ANXA10: variants seen among roughly 807,000 people sequenced by gnomAD.
ANXA10 encodes annexin A10, also known as annexin 14.
A neutral mutation model predicts 53.5 loss-of-function variants in ANXA10; 49 were observed. The ratio of observed to expected loss-of-function variants is 0.92; its 90% CI spans 0.73 to 1.16. The LOEUF (loss-of-function observed/expected upper bound fraction) is 1.16. Among genes scored for constraint, ANXA10 ranks in the 50% most tolerant of loss-of-function variants. The pLI is 0.00. For synonymous variants in ANXA10, 131 were observed against 128.9 expected (o/e 1.02, Z -0.11); for missense variants, 393 against 394.4 (o/e 1.00, Z 0.03).
intron 1 of ANXA10, among the ~76,000 whole-genome samples, chr4:168,122,069 C>T (rs1042395872): frequency 6.6e-6 from 1 of 152,122 alleles, no homozygotes; most frequent in African/African-American, 2.4e-5. Context: ...TCGTGAACTC[C>T]TGATCTTGTG....
intron 1 of ANXA10, among the ~76,000 whole-genome samples, chr4:168,126,243 T>G (rs139378294): frequency 6.6e-6 from 1 of 152,328 alleles, no homozygotes; most frequent in Admixed American, 6.5e-5. Context: ...TAGGTTAAGT[T>G]AAAATGTGTC....
intron 3 of ANXA10, among the ~76,000 whole-genome samples, chr4:168,159,016 A>G (rs560813062): frequency 2.0e-5 from 3 of 152,256 alleles, no homozygotes; most frequent in African/African-American, 7.2e-5. Context: ...GCCTCATGAG[A>G]AGCAGATACT....
intron 3 of ANXA10, among the ~76,000 whole-genome samples, chr4:168,156,594 C>T (rs1390853540): frequency 6.6e-6 from 1 of 150,592 alleles, no homozygotes. Flanking sequence ...AGCTCTGCCT[C>T]CCAGGTTCAC....
chr4:168,129,168 G>T (rs1215366111), intron 2 of ANXA10, among the ~76,000 whole-genome samples: 2 of 152,140 alleles, frequency 1.3e-5, no homozygotes, highest in African/African-American at 2.4e-5. Context: ...GACTGTGTGT[G>T]TGTATGCATG....
intron 1 of ANXA10, chr4:168,127,619 T>G (rs541101025): frequency 5.0e-6 from 1 of 199,632 alleles, no homozygotes; most frequent in African/African-American, 2.4e-5. Context: ...TTGGTTTTGG[T>G]ATCATAGTCT....
chr4:168,163,552 A>T (rs114796511), intron 4 of ANXA10, among the ~76,000 whole-genome samples: 2,930 of 152,328 alleles, frequency 0.019, 100 homozygotes, highest in African/African-American at 0.067. Flanking sequence ...AAAATTATTT[A>T]AAAAATAAAG....
chr4:168,107,060 G>A (rs1730731033), intron 1 of ANXA10, among the ~76,000 whole-genome samples: 1 of 152,064 alleles, frequency 6.6e-6, no homozygotes, highest in Non-Finnish European at 1.5e-5. Context: ...CACATTGCAG[G>A]TTAGTTGAGA....
intron 3 of ANXA10, among the ~76,000 whole-genome samples, chr4:168,158,915 G>A (rs1435007041): frequency 6.6e-6 from 1 of 152,120 alleles, no homozygotes; most frequent in African/African-American, 2.4e-5. Context: ...CTCTTTCCAT[G>A]AGTAATATGT....
chr4:168,155,063 A>G (rs1228063427), intron 3 of ANXA10, among the ~76,000 whole-genome samples: 1 of 151,814 alleles, frequency 6.6e-6, no homozygotes, highest in Non-Finnish European at 1.5e-5. Flanking sequence ...GGCTAGCTGT[A>G]TACTTCACAG....
chr4:168,098,407 C>T (rs1038836912), intron 1 of ANXA10, among the ~76,000 whole-genome samples: 15 of 152,046 alleles, frequency 9.9e-5, no homozygotes, highest in African/African-American at 3.6e-4. Flanking sequence ...TTTCATTTTT[C>T]AGTATAGCCT....
chr4:168,187,322 T>C, intron 11 of ANXA10, 44 bp from the exon 12 acceptor site: 1 of 1,298,396 alleles, frequency 7.7e-7, no homozygotes, highest in Non-Finnish European at 1.1e-6. Context: ...TTTTTAGAAC[T>C]ATTATGATAT....
chr4:168,148,500 G>C (rs1294572359), intron 3 of ANXA10, among the ~76,000 whole-genome samples: 1 of 152,086 alleles, frequency 6.6e-6, no homozygotes, highest in Non-Finnish European at 1.5e-5. Context: ...TCTTTGAAAT[G>C]GACTCTATCT....
intron 6 of ANXA10, among the ~76,000 whole-genome samples, chr4:168,173,799 C>T (rs1732064233): frequency 6.6e-6 from 1 of 152,182 alleles, no homozygotes; most frequent in Non-Finnish European, 1.5e-5. Context: ...GGTTGATCCC[C>T]AGCCTTCACC....
At chr4:168,129,047 A>C (rs946295137) in intron 2 of ANXA10, among the ~76,000 whole-genome samples, 1 of 152,146 alleles carries the variant, frequency 6.6e-6, no homozygotes, top group Admixed American at 6.6e-5. Context: ...CTTGATGAGC[A>C]TAAAGACAAA....
At chr4:168,135,522 C>T (rs1260248138) in intron 2 of ANXA10, among the ~76,000 whole-genome samples, 1 of 152,152 alleles carries the variant, frequency 6.6e-6, no homozygotes, top group Middle Eastern at 3.2e-3. Context: ...AAATTTTAGT[C>T]AAGCTAAGGG....
chr4:168,120,327 T>C (rs1730963429), intron 1 of ANXA10, among the ~76,000 whole-genome samples: 1 of 152,130 alleles, frequency 6.6e-6, no homozygotes, highest in Admixed American at 6.5e-5. Flanking sequence ...AGCAATGTTT[T>C]TCCACCTGTT....
rs1731806092 is a variant in ANXA10 at position 168,162,613 on chromosome 4, AT to A, written c.282del (p.Asp94GlufsTer9). On this transcript the variant is annotated frameshift_variant, in exon 4 of 12. Transcript: ENST00000359299. LOFTEE classifies it high-confidence loss of function. ...CTCATGTACCCACCACCACTGTATG[AT>A]GCTCATGAGCTCTGGCATGCCATGA... ...AGLMYPPPLY[D>X]AHELWHAMKG... The A allele has an allele frequency of 6.2e-7, 1 of 1,613,790 alleles. No homozygotes were observed. Among genetic ancestry groups the A allele is most frequent in the South Asian group, 1.1e-5 (1 of 91,088 alleles).
intron 3 of ANXA10, among the ~76,000 whole-genome samples, chr4:168,156,132 ATT>A (rs1443506677): frequency 5.5e-5 from 2 of 36,074 alleles, no homozygotes; most frequent in African/African-American, 2.4e-4. Flanking sequence ...ATTTATATAT[ATT>A]ATATATAAAA....
chr4:168,167,678 T>G (rs1731905131), intron 6 of ANXA10, among the ~76,000 whole-genome samples: 1 of 152,148 alleles, frequency 6.6e-6, no homozygotes, highest in African/African-American at 2.4e-5. Context: ...CTTAGAAGAG[T>G]TGTGATCTAC....
Sources: gnomAD v4.1 joint callset for allele counts (sites outside exome capture counted in the v4.1 genomes callset) on GRCh38, gnomAD v4.1.1 for gene constraint, MANE v1.5 for transcripts, NCBI Gene and HGNC (gene_info 2026-07-23, HGNC 2026-07-21) for gene names.